SPOP: variants seen among roughly 807,000 people sequenced by gnomAD.
SPOP encodes the protein speckle type BTB/POZ protein, also known as speckle-type POZ protein.
A neutral mutation model predicts 45.6 loss-of-function variants in SPOP; 11 were observed. The observed-to-expected ratio is 0.24, with a 90% CI of 0.15 to 0.40. The LOEUF (loss-of-function observed/expected upper bound fraction) is 0.40. Ranked by LOEUF, SPOP falls within the 10% of genes least tolerant of loss-of-function variation. The pLI is 1.00. For missense variants in SPOP, 152 were observed against 465.6 expected (o/e 0.33, Z 6.20); for synonymous variants, 166 against 166.3 (o/e 1.00, Z 0.01).
At chr17:49,676,390 A>G (rs2073199551) in intron 1 of SPOP, among the ~76,000 whole-genome samples, 1 of 152,228 alleles carries the variant, frequency 6.6e-6, no homozygotes, top group Non-Finnish European at 1.5e-5. Flanking sequence ...TGGCAACAGG[A>G]AACAGCACAA....
intron 5 of SPOP, among the ~76,000 whole-genome samples, chr17:49,616,908 A>G (rs1181001069): frequency 2.6e-5 from 4 of 152,258 alleles, no homozygotes; most frequent in Non-Finnish European, 5.9e-5. Context: ...AGGCACATCT[A>G]AACTTAACCA....
At chr17:49,601,780 T>C (rs2071744624) in intron 9 of SPOP, 85 bp downstream of exon 9, 1 of 1,539,712 alleles carries the variant, frequency 6.5e-7, no homozygotes, top group Admixed American at 1.8e-5. Context: ...GCTACTTGCC[T>C]GCTTTACCCA....
chr17:49,667,449 C>T (rs771560612), intron 1 of SPOP, among the ~76,000 whole-genome samples: 4 of 151,898 alleles, frequency 2.6e-5, no homozygotes, highest in South Asian at 4.1e-4. Flanking sequence ...ATTAGCTGGG[C>T]GTGGTGGCAT....
chr17:49,631,143 TGATATGTTTTAAA>T (rs2072443553), intron 1 of SPOP, among the ~76,000 whole-genome samples: 1 of 152,230 alleles, frequency 6.6e-6, no homozygotes, highest in African/African-American at 2.4e-5. Context: ...GTATCCCTAC[TGATATGTTTTAAA>T]GGACAAATAT....
chr17:49,607,092 T>G (rs1197008177), intron 8 of SPOP, 158 bp downstream of exon 8: 8 of 784,236 alleles, frequency 1.0e-5, no homozygotes, highest in African/African-American at 1.8e-5. Flanking sequence ...AGTGTGCTAT[T>G]AATAATTGTG....
At chr17:49,618,853 T>A (rs1023011054) in intron 5 of SPOP, 128 bp downstream of exon 5, 1 of 1,157,822 alleles carries the variant, frequency 8.6e-7, no homozygotes, top group African/African-American at 1.5e-5. Flanking sequence ...GTCACATAAA[T>A]AACATTTGTG....
At chr17:49,607,467 A>G in intron 7 of SPOP, 95 bp from the exon 8 acceptor site, 1 of 1,447,068 alleles carries the variant, frequency 6.9e-7, no homozygotes, top group Non-Finnish European at 9.2e-7. Flanking sequence ...TGAGGAGAGA[A>G]CTTTGTATCA....
rs752650296 is a variant in SPOP, at chr17:49,678,055, TCACACA to T, written c.-195_-190del. Reference sequence around the variant, plus strand: ...ACACACACACTCGGAGCGCGCACACTCACACACACACATACACACCGACACACACCA... The same window carrying T: ...ACACACACACTCGGAGCGCGCACACTCACACATACACACCGACACACACCA... On this transcript the variant is annotated 5_prime_UTR_variant, in exon 1 of 10. Transcript: ENST00000504102. The T allele has an allele frequency of 2.5e-6, 1 of 394,830 alleles. No homozygotes were observed. The allele number at this position is 394,830 out of a possible 1,614,324, so 24.5% of individuals were successfully genotyped here. A position where few individuals can be genotyped will look rare whatever the true frequency, so the allele number is the denominator to read the frequency against.
chr17:49,618,760 C>T (rs764485257), intron 5 of SPOP, among the ~76,000 whole-genome samples: 1 of 152,182 alleles, frequency 6.6e-6, no homozygotes, highest in Non-Finnish European at 1.5e-5. Flanking sequence ...AGGTAGCATA[C>T]ATACAACCTT....
intron 1 of SPOP, among the ~76,000 whole-genome samples, chr17:49,643,917 G>A (rs546196624): frequency 1.4e-5 from 2 of 147,160 alleles, no homozygotes; most frequent in East Asian, 2.0e-4. Flanking sequence ...GCGACAGAGT[G>A]AGACCCGTCT....
At chr17:49,623,058 GT>G (rs898432413) in intron 1 of SPOP, among the ~76,000 whole-genome samples, 182 bp from the exon 2 acceptor site, 2 of 151,634 alleles carry the variant, frequency 1.3e-5, no homozygotes, top group Non-Finnish European at 2.9e-5. Flanking sequence ...CCAGACGGGA[GT>G]GCAGTGGTGC....
chr17:49,606,711 T>C (rs1419079074), intron 8 of SPOP, among the ~76,000 whole-genome samples: 5 of 151,910 alleles, frequency 3.3e-5, no homozygotes, highest in Non-Finnish European at 5.9e-5. Flanking sequence ...CCCAGGCTGG[T>C]CTCAAACTCC....
chr17:49,607,774 A>T, intron 7 of SPOP, 100 bp downstream of exon 7: 1 of 1,183,454 alleles, frequency 8.4e-7, no homozygotes. Context: ...CCATTTTAGT[A>T]AGAAAAAAGT....
chr17:49,677,696 TG>T (rs1187655237), intron 1 of SPOP, among the ~76,000 whole-genome samples: 1 of 146,204 alleles, frequency 6.8e-6, no homozygotes, highest in African/African-American at 2.6e-5. Context: ...ATGGGGGGGC[TG>T]AAGGCAGGGG....
Position 49,677,958 on chromosome 17 carries a change from G to A in SPOP, c.-92C>T, listed in dbSNP as rs2073227156. 7.6e-6 allele frequency: 3 copies of A among 395,760 alleles called. No individual in the cohort carries two copies. The highest frequency in any genetic ancestry group is 7.2e-5 in the East Asian group (2 of 27,928). 24.5% of individuals were successfully genotyped at this position (395,760 alleles called of 1,614,324 possible). On this transcript the variant is annotated 5_prime_UTR_variant, in exon 1 of 10. Coordinates refer to ENST00000504102, the MANE Select transcript of SPOP (RefSeq NM_001007228.2). ...CTGAGAGCGGCGGCGACAGCTGCTG[G>A]TCCCCGTCCCCCTGCGCTTGCCTCA... is the stretch of plus-strand genomic sequence containing the variant.
At chr17:49,607,036 G>C (rs2071865417) in intron 8 of SPOP, 2 of 469,298 alleles carry the variant, frequency 4.3e-6, no homozygotes, top group African/African-American at 4.0e-5. Context: ...ATAGTTAGGT[G>C]ATCATATAGT....
intron 1 of SPOP, among the ~76,000 whole-genome samples, chr17:49,630,680 G>A (rs2072435381): frequency 6.6e-6 from 1 of 151,988 alleles, no homozygotes; most frequent in African/African-American, 2.4e-5. Flanking sequence ...TCAAGCTCTT[G>A]GCCCCAGGCA....
chr17:49,611,192 G>T, intron 6 of SPOP, 88 bp downstream of exon 6: 1 of 1,443,954 alleles, frequency 6.9e-7, no homozygotes. Context: ...AGTTCAAAAA[G>T]TTGAAGTTGT....
At chr17:49,676,672 TTAGC>T (rs1379313420) in intron 1 of SPOP, among the ~76,000 whole-genome samples, 1 of 152,174 alleles carries the variant, frequency 6.6e-6, no homozygotes, top group African/African-American at 2.4e-5. Context: ...CCACAACAAT[TTAGC>T]TATTCATTTC....
Sources: gnomAD v4.1 joint callset for allele counts (sites outside exome capture counted in the v4.1 genomes callset) on GRCh38, gnomAD v4.1.1 for gene constraint, MANE v1.5 for transcripts, NCBI Gene and HGNC (gene_info 2026-07-23, HGNC 2026-07-21) for gene names.